The following FAAH2 variants were observed in gnomAD, a reference collection of about 807,000 sequenced individuals.
The protein encoded by FAAH2 is fatty-acid amide hydrolase 2.
Under a neutral mutation model 36.9 loss-of-function variants are expected in FAAH2, and 60 were observed. That is an observed-to-expected ratio of 1.63 (90% CI 1.32 to 2.02). The LOEUF (loss-of-function observed/expected upper bound fraction) is 2.02, where lower values mean the gene tolerates loss of function less well. Ranked by LOEUF, FAAH2 falls within the 30% of genes most tolerant of loss-of-function variation. The pLI is 0.00. For synonymous variants in FAAH2, 214 were observed against 143.8 expected, an observed-to-expected ratio of 1.49 and a Z score of -3.49; for missense variants, 689 against 397.5, an observed-to-expected ratio of 1.73 and a Z score of -6.23.
At chrX:57,425,361 G>T (rs991007219) in intron 7 of FAAH2, among the ~76,000 whole-genome samples, 1 of 111,301 alleles carries the variant, frequency 9.0e-6, no homozygotes, top group Non-Finnish European at 1.9e-5. Context: ...AGATACAAGA[G>T]ACTCAAGGAA....
intron 3 of FAAH2, among the ~76,000 whole-genome samples, chrX:57,330,042 GCA>G: frequency 9.0e-6 from 1 of 111,508 alleles, no homozygotes; most frequent in East Asian, 2.8e-4. Context: ...TGCGTTAACT[GCA>G]CAGATTGTAG....
the FAAH2 span, among the ~76,000 whole-genome samples, chrX:57,223,903 C>T: frequency 9.0e-6 from 1 of 111,449 alleles, no homozygotes; most frequent in Admixed American, 9.5e-5. Context: ...CTCCACACAC[C>T]CTATAGGCCT....
the FAAH2 span, among the ~76,000 whole-genome samples, chrX:57,206,013 T>A: frequency 2.7e-5 from 3 of 112,173 alleles, no homozygotes; most frequent in East Asian, 2.8e-4. Flanking sequence ...TTCTACAAGA[T>A]CTTGCTCTTG....
the FAAH2 span, among the ~76,000 whole-genome samples, chrX:57,266,826 G>A: frequency 8.9e-6 from 1 of 112,582 alleles, no homozygotes; most frequent in Non-Finnish European, 1.9e-5. Flanking sequence ...GTGGAGCCCA[G>A]GGGGTTTAGT....
At chrX:57,331,913 G>A in intron 4 of FAAH2, 106 bp downstream of exon 4, 1 of 798,528 alleles carries the variant, frequency 1.3e-6, no homozygotes, top group Non-Finnish European at 1.8e-6. Context: ...CTATAAGAAT[G>A]GATGCAAAAA....
chrX:57,391,924 C>T (rs1226588187), intron 7 of FAAH2, among the ~76,000 whole-genome samples: 2 of 110,119 alleles, frequency 1.8e-5, no homozygotes, highest in Non-Finnish European at 3.8e-5. Context: ...GTCGTTTTAA[C>T]TAGTGATACT....
chrX:57,225,191 GGTTT>G, the FAAH2 span, among the ~76,000 whole-genome samples: 1 of 110,014 alleles, frequency 9.1e-6, no homozygotes, highest in Non-Finnish European at 1.9e-5. Context: ...GTTTGGGTTT[GGTTT>G]GTTCTTGTTT....
At chrX:57,172,558 G>A in the FAAH2 span, among the ~76,000 whole-genome samples, 1 of 112,400 alleles carries the variant, frequency 8.9e-6, no homozygotes, top group African/African-American at 3.2e-5. Flanking sequence ...TATCACAAGG[G>A]CAAAGGACTT....
At chrX:57,410,548 C>T (rs1312457238) in intron 7 of FAAH2, among the ~76,000 whole-genome samples, 1 of 111,459 alleles carries the variant, frequency 9.0e-6, no homozygotes, top group African/African-American at 3.3e-5. Flanking sequence ...CAACATTGGA[C>T]CATATAACTA....
chrX:57,390,801 G>T (rs1393838407), intron 7 of FAAH2, among the ~76,000 whole-genome samples: 1 of 111,438 alleles, frequency 9.0e-6, no homozygotes. Flanking sequence ...AAGTTTAGGT[G>T]TCTTTTTGAT....
chrX:57,216,598 GTA>G, the FAAH2 span, among the ~76,000 whole-genome samples: 82 of 4,665 alleles, frequency 0.018, 1 homozygote, highest in Middle Eastern at 1. Context: ...GTATATATAT[GTA>G]TATATATACG....
At chrX:57,420,623 G>A (rs1352268922) in intron 7 of FAAH2, among the ~76,000 whole-genome samples, 5 of 109,552 alleles carry the variant, frequency 4.6e-5, no homozygotes, top group Non-Finnish European at 9.5e-5. Flanking sequence ...ATTTTGGGCT[G>A]AGACAATGTG....
intron 5 of FAAH2, among the ~76,000 whole-genome samples, chrX:57,378,369 G>C (rs1431883634): frequency 9.0e-6 from 1 of 110,981 alleles, no homozygotes; most frequent in Non-Finnish European, 1.9e-5. Flanking sequence ...TCCCCAGAAA[G>C]AGAGAATAGC....
At chrX:57,252,646 G>A in the FAAH2 span, among the ~76,000 whole-genome samples, 1 of 112,210 alleles carries the variant, frequency 8.9e-6, no homozygotes, top group Non-Finnish European at 1.9e-5. Flanking sequence ...TGGACCTCCA[G>A]TAAACCCCAA....
At chrX:57,156,652 C>G in the FAAH2 span, among the ~76,000 whole-genome samples, 1 of 112,321 alleles carries the variant, frequency 8.9e-6, no homozygotes, top group Non-Finnish European at 1.9e-5. Context: ...CTCCTAGATA[C>G]ACAGCCTTTG....
the FAAH2 span, among the ~76,000 whole-genome samples, chrX:57,278,944 G>C: frequency 9.0e-6 from 1 of 111,697 alleles, no homozygotes; most frequent in Non-Finnish European, 1.9e-5. Flanking sequence ...TCATTAAAAC[G>C]TCGGGAAACA....
chrX:57,353,949 C>A (rs765045981), intron 5 of FAAH2, among the ~76,000 whole-genome samples: 1 of 110,707 alleles, frequency 9.0e-6, no homozygotes, highest in African/African-American at 3.3e-5. Context: ...CAGAAAGTAA[C>A]AGATGTTGGC....
At chrX:57,186,016 G>A in the FAAH2 span, among the ~76,000 whole-genome samples, 23 of 111,365 alleles carry the variant, frequency 2.1e-4, no homozygotes, top group African/African-American at 6.2e-4. Flanking sequence ...AAATAGTGCT[G>A]CAAGAAACAT....
the FAAH2 span, among the ~76,000 whole-genome samples, chrX:57,251,240 A>T: frequency 1.8e-5 from 2 of 112,418 alleles, no homozygotes; most frequent in Non-Finnish European, 3.7e-5. Context: ...AAAAGAATCA[A>T]AAACAATAAC....
Sources: allele counts gnomAD v4.1 joint callset (sites outside exome capture counted in the v4.1 genomes callset), GRCh38; gene constraint gnomAD v4.1.1; transcripts MANE v1.5; gene names NCBI Gene and HGNC (gene_info 2026-07-23, HGNC 2026-07-21).